ATP10B: variants seen among roughly 807,000 people sequenced by gnomAD.
ATP10B encodes the protein ATPase phospholipid transporting 10B (putative).
A neutral mutation model predicts 141.2 loss-of-function variants in ATP10B; 122 were observed. The observed-to-expected ratio is 0.86, with a 90% CI of 0.75 to 1.00. The LOEUF is 1.00. Among genes scored for constraint, ATP10B ranks in the 50% least tolerant of loss-of-function variants. The probability of loss-of-function intolerance (pLI) is 0.00; values close to 1 mark genes in which losing one functional copy is unlikely to be tolerated. For synonymous variants in ATP10B, 685 were observed against 692.0 expected (o/e 0.99, Z 0.16); for missense variants, 1,876 against 1,825.3 (o/e 1.03, Z -0.51).
chr5:160,873,124 T>TG, the ATP10B span, among the ~76,000 whole-genome samples: 15 of 143,142 alleles, frequency 1.0e-4, no homozygotes, highest in African/African-American at 3.9e-4. Context: ...GTTTTTTTTG[T>TG]TTTTTTTTTT....
intron 3 of ATP10B, among the ~76,000 whole-genome samples, chr5:160,714,856 C>G (rs930437605): frequency 1.4e-5 from 2 of 147,670 alleles, no homozygotes; most frequent in African/African-American, 2.6e-5. Flanking sequence ...AGCTGCAGGT[C>G]TGTTGGAATA....
chr5:160,745,435 G>A (rs1767747574), intron 2 of ATP10B, among the ~76,000 whole-genome samples: 1 of 152,126 alleles, frequency 6.6e-6, no homozygotes, highest in African/African-American at 2.4e-5. Flanking sequence ...GTATTCAGGA[G>A]GGACCATCCT....
chr5:160,846,661 C>A (rs1233343263), intron 1 of ATP10B, among the ~76,000 whole-genome samples: 1 of 152,064 alleles, frequency 6.6e-6, no homozygotes, highest in Non-Finnish European at 1.5e-5. Context: ...GTAGGTACCA[C>A]CACAAAAAAT....
chr5:160,886,998 G>C, the ATP10B span, among the ~76,000 whole-genome samples: 1 of 152,174 alleles, frequency 6.6e-6, no homozygotes, highest in Non-Finnish European at 1.5e-5. Flanking sequence ...ATGAGAGAAG[G>C]CTCTGTTTCA....
chr5:160,848,342 T>C (rs1270951457), intron 1 of ATP10B, among the ~76,000 whole-genome samples: 1 of 152,200 alleles, frequency 6.6e-6, no homozygotes, highest in East Asian at 1.9e-4. Flanking sequence ...ACCATTTCTA[T>C]GATGTTGGTA....
intron 13 of ATP10B, among the ~76,000 whole-genome samples, chr5:160,630,831 C>G (rs1198730617): frequency 6.6e-6 from 1 of 152,130 alleles, no homozygotes; most frequent in Non-Finnish European, 1.5e-5. Context: ...TGACAATAAC[C>G]CGAGAGGGAA....
intron 6 of ATP10B, among the ~76,000 whole-genome samples, chr5:160,673,783 C>T (rs1299850570): frequency 6.6e-6 from 1 of 152,168 alleles, no homozygotes; most frequent in East Asian, 1.9e-4. Context: ...TAATATTTTT[C>T]CTTCTTCAAA....
intron 1 of ATP10B, among the ~76,000 whole-genome samples, chr5:160,786,758 G>GCA (rs1234378681): frequency 2.0e-5 from 3 of 152,090 alleles, no homozygotes; most frequent in African/African-American, 7.2e-5. Flanking sequence ...ACATGCATAT[G>GCA]CACACACACA....
At chr5:160,650,066 G>A (rs1023018407) in intron 7 of ATP10B, among the ~76,000 whole-genome samples, 2 of 151,040 alleles carry the variant, frequency 1.3e-5, no homozygotes, top group Non-Finnish European at 2.9e-5. Flanking sequence ...CCAAGATCGC[G>A]CCACTGCACT....
intron 2 of ATP10B, among the ~76,000 whole-genome samples, chr5:160,767,442 G>T (rs943160472): frequency 1.3e-5 from 2 of 152,060 alleles, no homozygotes; most frequent in Non-Finnish European, 2.9e-5. Context: ...GTGCTTCAGA[G>T]ATATTAAGCG....
chr5:160,610,854 T>A (rs1332052679), intron 18 of ATP10B, among the ~76,000 whole-genome samples: 1 of 152,204 alleles, frequency 6.6e-6, no homozygotes, highest in African/African-American at 2.4e-5. Flanking sequence ...AGTTAGTAAT[T>A]CTCTCATCTT....
At chr5:160,873,989 G>A in the ATP10B span, among the ~76,000 whole-genome samples, 9 of 152,230 alleles carry the variant, frequency 5.9e-5, no homozygotes, top group Admixed American at 5.9e-4. Flanking sequence ...GGCTTGCTTA[G>A]GTAAACAAAG....
At chr5:160,737,661 T>C (rs1767215289) in intron 2 of ATP10B, among the ~76,000 whole-genome samples, 1 of 151,876 alleles carries the variant, frequency 6.6e-6, no homozygotes, top group Admixed American at 6.5e-5. Flanking sequence ...ACAAATAAAA[T>C]GAAATATCTA....
chr5:160,922,610 A>G, the ATP10B span, among the ~76,000 whole-genome samples: 2 of 152,232 alleles, frequency 1.3e-5, no homozygotes, highest in Non-Finnish European at 2.9e-5. Flanking sequence ...CCAATGACCC[A>G]GTACTTAACC....
At chr5:160,862,479 T>TCC in the ATP10B span, among the ~76,000 whole-genome samples, 1 of 151,934 alleles carries the variant, frequency 6.6e-6, no homozygotes, top group East Asian at 1.9e-4. Flanking sequence ...CACTGATACC[T>TCC]CCTACAGGTT....
chr5:160,902,001 A>G, the ATP10B span, among the ~76,000 whole-genome samples: 2,651 of 152,316 alleles, frequency 0.017, 77 homozygotes, highest in African/African-American at 0.059. Context: ...TGCATCAGAG[A>G]CCACGATCCA....
At chr5:160,897,985 C>T in the ATP10B span, among the ~76,000 whole-genome samples, 1 of 152,152 alleles carries the variant, frequency 6.6e-6, no homozygotes, top group Non-Finnish European at 1.5e-5. Context: ...ACTGACTAGC[C>T]ATATGCAGAA....
At chr5:160,810,629 T>A (rs188440589) in intron 1 of ATP10B, among the ~76,000 whole-genome samples, 1 of 152,344 alleles carries the variant, frequency 6.6e-6, no homozygotes, top group African/African-American at 2.4e-5. Flanking sequence ...AATTTTCATA[T>A]GCTTGACCTT....
chr5:160,607,393 T>TA (rs780881048), intron 18 of ATP10B, among the ~76,000 whole-genome samples: 3 of 152,234 alleles, frequency 2.0e-5, no homozygotes, highest in Non-Finnish European at 4.4e-5. Flanking sequence ...TAATGGTAGA[T>TA]AATGACAATA....
Sources: allele counts gnomAD v4.1 joint callset (sites outside exome capture counted in the v4.1 genomes callset), GRCh38; gene constraint gnomAD v4.1.1; transcripts MANE v1.5; gene names NCBI Gene and HGNC (gene_info 2026-07-23, HGNC 2026-07-21).